Variants in ELOVL5 observed in about 807,000 individuals in gnomAD.
The protein encoded by ELOVL5 is very long chain fatty acid elongase 5.
In ELOVL5, 8 loss-of-function variants were observed where a neutral mutation model predicts 38.6. The observed-to-expected ratio is 0.21, with a 90% CI of 0.12 to 0.37. ELOVL5 has a LOEUF of 0.37. ELOVL5 is among the 10% of genes least tolerant of loss of function. ELOVL5 has a pLI of 1.00. For synonymous variants in ELOVL5, 127 were observed against 133.7 expected, an observed-to-expected ratio of 0.95 and a Z score of 0.34; for missense variants, 280 against 367.8, an observed-to-expected ratio of 0.76 and a Z score of 1.95.
At chr6:53,269,417 T>A in intron 7 of ELOVL5, 147 bp from the exon 8 acceptor site, 6 of 522,746 alleles carry the variant, frequency 1.1e-5, no homozygotes, top group Non-Finnish European at 1.5e-5. Context: ...CCTCATTGAC[T>A]AAATCTTTTG....
intron 3 of ELOVL5, among the ~76,000 whole-genome samples, chr6:53,281,908 G>A (rs1766380197): frequency 6.6e-6 from 1 of 151,676 alleles, no homozygotes; most frequent in South Asian, 2.1e-4. Context: ...AAAAAAGACA[G>A]GTTCTGTACA....
intron 7 of ELOVL5, among the ~76,000 whole-genome samples, chr6:53,269,632 TG>T (rs1351310191): frequency 6.6e-6 from 1 of 152,244 alleles, no homozygotes; most frequent in Non-Finnish European, 1.5e-5. Context: ...GCAGCTCTCT[TG>T]ACACCCACAT....
chr6:53,324,302 C>T (rs1267870908), intron 1 of ELOVL5, among the ~76,000 whole-genome samples: 1 of 148,180 alleles, frequency 6.7e-6, no homozygotes, highest in Non-Finnish European at 1.5e-5. Context: ...AAAACAGTTA[C>T]AGATCTCTAT....
At chr6:53,297,061 G>A (rs1043686300) in intron 1 of ELOVL5, among the ~76,000 whole-genome samples, 2 of 152,158 alleles carry the variant, frequency 1.3e-5, no homozygotes, top group Non-Finnish European at 2.9e-5. Flanking sequence ...AGTTAACAGG[G>A]TTCTGTCCTG....
chr6:53,308,942 A>C (rs2127581972), intron 1 of ELOVL5, among the ~76,000 whole-genome samples: 1 of 152,056 alleles, frequency 6.6e-6, no homozygotes, highest in East Asian at 1.9e-4. Flanking sequence ...AAGCTGAAAT[A>C]AAACCTCGTA....
chr6:53,276,147 TAA>T, intron 4 of ELOVL5, 30 bp downstream of exon 4: 1 of 1,472,674 alleles, frequency 6.8e-7, no homozygotes, highest in South Asian at 1.2e-5. Flanking sequence ...TCAACACTTA[TAA>T]TAATAAAGTT....
chr6:53,302,232 G>A (rs1767285523), intron 1 of ELOVL5, among the ~76,000 whole-genome samples: 1 of 152,166 alleles, frequency 6.6e-6, no homozygotes, highest in Non-Finnish European at 1.5e-5. Flanking sequence ...TCCCTCCAGG[G>A]GCAAGTATAT....
chr6:53,307,288 G>A (rs1173601408), intron 1 of ELOVL5, among the ~76,000 whole-genome samples: 1 of 152,194 alleles, frequency 6.6e-6, no homozygotes, highest in Non-Finnish European at 1.5e-5. Context: ...TTTGGAGCCA[G>A]AGAGCCTGGG....
At chr6:53,318,223 T>A (rs1203560399) in intron 1 of ELOVL5, among the ~76,000 whole-genome samples, 1 of 152,098 alleles carries the variant, frequency 6.6e-6, no homozygotes, top group Non-Finnish European at 1.5e-5. Context: ...AGAGAAAAAA[T>A]ATCTGTCTCA....
chr6:53,270,528 AAT>A, intron 7 of ELOVL5, 63 bp downstream of exon 7: 1 of 1,568,852 alleles, frequency 6.4e-7, no homozygotes, highest in South Asian at 1.1e-5. Context: ...CCATTAAGTA[AAT>A]AGATGAGGGC....
chr6:53,338,779 T>C (rs209512), intron 1 of ELOVL5, among the ~76,000 whole-genome samples: 27,213 of 152,216 alleles, frequency 0.18, 3,463 homozygotes, highest in East Asian at 0.42. Context: ...CTTATCTGAG[T>C]GCAGTCTCTT....
chr6:53,276,290 A>G (rs1766120686), intron 3 of ELOVL5, 34 bp from the exon 4 acceptor site: 1 of 1,374,268 alleles, frequency 7.3e-7, no homozygotes, highest in Non-Finnish European at 1.0e-6. Flanking sequence ...CACCAACAGC[A>G]TCTGAGCCAT....
chr6:53,287,323 TG>T (rs1192549192), intron 3 of ELOVL5, among the ~76,000 whole-genome samples: 2 of 152,220 alleles, frequency 1.3e-5, no homozygotes, highest in African/African-American at 4.8e-5. Flanking sequence ...CTTGAAAATG[TG>T]GTTCCGACAT....
chr6:53,325,014 A>C (rs1768478824), intron 1 of ELOVL5, among the ~76,000 whole-genome samples: 1 of 152,152 alleles, frequency 6.6e-6, no homozygotes, highest in African/African-American at 2.4e-5. Context: ...GACACTGATA[A>C]CCCTGTTCCA....
intron 4 of ELOVL5, among the ~76,000 whole-genome samples, chr6:53,275,777 C>A (rs1289051757): frequency 1.3e-5 from 2 of 152,156 alleles, no homozygotes; most frequent in African/African-American, 4.8e-5. Flanking sequence ...TGCTGAGCTG[C>A]GACTGTTGGC....
intron 2 of ELOVL5, chr6:53,294,564 C>T (rs1394160229): frequency 3.6e-5 from 52 of 1,444,502 alleles, no homozygotes; most frequent in Non-Finnish European, 4.3e-5. Flanking sequence ...GAAATAACTA[C>T]GGAATTGCTC....
chr6:53,292,266 G>C (rs1356064320), intron 2 of ELOVL5, among the ~76,000 whole-genome samples: 1 of 152,166 alleles, frequency 6.6e-6, no homozygotes, highest in African/African-American at 2.4e-5. Context: ...CCATTAATTG[G>C]ATTTATTAAC....
chr6:53,283,331 C>G (rs1404439647), intron 3 of ELOVL5, among the ~76,000 whole-genome samples: 1 of 151,962 alleles, frequency 6.6e-6, no homozygotes, highest in Non-Finnish European at 1.5e-5. Flanking sequence ...TGAGATGACC[C>G]CCAACAATAC....
intron 1 of ELOVL5, among the ~76,000 whole-genome samples, chr6:53,297,768 T>C (rs1196353970): frequency 6.6e-6 from 1 of 152,138 alleles, no homozygotes; most frequent in Non-Finnish European, 1.5e-5. Flanking sequence ...GGCCTTAGAA[T>C]GTACTCCCTG....
Sources: gnomAD v4.1 joint callset for allele counts (sites outside exome capture counted in the v4.1 genomes callset) on GRCh38, gnomAD v4.1.1 for gene constraint, MANE v1.5 for transcripts, NCBI Gene and HGNC (gene_info 2026-07-23, HGNC 2026-07-21) for gene names.